Variants in ZNF487 observed in about 807,000 individuals in gnomAD.
The protein encoded by ZNF487 is KRAB domain only 1.
In ZNF487, 4 loss-of-function variants were observed where a neutral mutation model predicts 3.0. That is an observed-to-expected ratio of 1.35 (90% CI 0.66 to 3.08). ZNF487 has a LOEUF of 3.08. Among genes scored for constraint, ZNF487 ranks in the 30% most tolerant of loss-of-function variants. ZNF487 has a pLI of 0.01. For missense variants in ZNF487, 146 were observed against 98.7 expected (o/e 1.48, Z -2.03); for synonymous variants, 55 against 34.6 (o/e 1.59, Z -2.06).
intron 1 of ZNF487, among the ~76,000 whole-genome samples, chr10:43,444,199 A>G (rs1362719773): frequency 6.6e-6 from 1 of 152,154 alleles, no homozygotes; most frequent in Admixed American, 6.6e-5. Flanking sequence ...TCCTTTGGCT[A>G]GAAAGCGACA....
At chr10:43,461,228 A>G (rs1015191344) in intron 1 of ZNF487, among the ~76,000 whole-genome samples, 3 of 151,508 alleles carry the variant, frequency 2.0e-5, no homozygotes, top group Non-Finnish European at 4.4e-5. Flanking sequence ...GCTGGTCTCA[A>G]ACTTCTGACC....
the ZNF487 span, among the ~76,000 whole-genome samples, chr10:43,501,476 A>G: frequency 6.6e-6 from 1 of 152,192 alleles, no homozygotes; most frequent in Non-Finnish European, 1.5e-5. Context: ...TCAGTGGCTT[A>G]TGCCTGTAAT....
the ZNF487 span, among the ~76,000 whole-genome samples, chr10:43,505,004 C>A: frequency 2.0e-5 from 3 of 151,968 alleles, no homozygotes; most frequent in South Asian, 6.2e-4. Flanking sequence ...CTGCACCCAG[C>A]CTCCTTGTTG....
the ZNF487 span, among the ~76,000 whole-genome samples, chr10:43,494,831 G>A: frequency 6.8e-6 from 1 of 146,182 alleles, no homozygotes; most frequent in Non-Finnish European, 1.5e-5. Flanking sequence ...CATCTACTCA[G>A]GAGGCTGAGG....
chr10:43,483,368 G>A (rs1450353200), downstream of ZNF487, among the ~76,000 whole-genome samples: 4 of 152,244 alleles, frequency 2.6e-5, no homozygotes, highest in East Asian at 7.7e-4. Flanking sequence ...AGCTTCCCAA[G>A]TAGCTGGGAT....
the ZNF487 span, among the ~76,000 whole-genome samples, chr10:43,490,896 A>G: frequency 2.7e-5 from 4 of 146,680 alleles, no homozygotes; most frequent in South Asian, 6.5e-4. Flanking sequence ...CTGGTCTCGA[A>G]CTCCCAACCT....
the ZNF487 span, among the ~76,000 whole-genome samples, chr10:43,520,242 C>T: frequency 0.8 from 122,204 of 152,062 alleles, 49,409 homozygotes; most frequent in East Asian, 0.89. Flanking sequence ...ATCCCTCTTT[C>T]ACTCTTCCTT....
chr10:43,513,395 A>G, the ZNF487 span, among the ~76,000 whole-genome samples: 1 of 152,236 alleles, frequency 6.6e-6, no homozygotes, highest in African/African-American at 2.4e-5. Context: ...CTGGTACAGC[A>G]GCTGCAATTG....
chr10:43,437,175 C>T lies in ZNF487; in HGVS notation c.-181C>T. ...AAGCCTGTAAGTTCCTCAGCTACGACTACCAGGTACCTCGGGTTCCTCCCT... is the reference window on the plus strand; with the variant it reads ...AAGCCTGTAAGTTCCTCAGCTACGATTACCAGGTACCTCGGGTTCCTCCCT... On this transcript the variant is annotated 5_prime_UTR_variant, in exon 1 of 4. Transcript: ENST00000437590. 1 of 266,432 alleles carries T rather than the reference C, an allele frequency of 3.8e-6. No homozygotes were observed. Among genetic ancestry groups the T allele is most frequent in the South Asian group, 2.9e-5 (1 of 35,066 alleles). The allele number at this position is 266,432 out of a possible 1,614,324, so 16.5% of individuals were successfully genotyped here.
At chr10:43,438,236 A>T (rs1839455683) in intron 1 of ZNF487, among the ~76,000 whole-genome samples, 2 of 152,022 alleles carry the variant, frequency 1.3e-5, no homozygotes, top group Non-Finnish European at 2.9e-5. Context: ...CCCAGGCTGG[A>T]GTGCAGTGGC....
intron 1 of ZNF487, among the ~76,000 whole-genome samples, chr10:43,460,884 G>T (rs983636405): frequency 2.0e-5 from 3 of 151,964 alleles, no homozygotes; most frequent in Non-Finnish European, 2.9e-5. Context: ...GAGAGACAGG[G>T]TTTCACCATA....
intron 1 of ZNF487, among the ~76,000 whole-genome samples, chr10:43,443,061 C>CTTTTTTTT (rs34420531): frequency 8.3e-6 from 1 of 119,908 alleles, no homozygotes; most frequent in African/African-American, 3.2e-5. Context: ...CTCGTTCTAG[C>CTTTTTTTT]TTTTTTTTTT....
At chr10:43,471,376 C>T (rs571328998) in intron 1 of ZNF487, among the ~76,000 whole-genome samples, 2 of 152,264 alleles carry the variant, frequency 1.3e-5, no homozygotes, top group East Asian at 3.9e-4. Flanking sequence ...GGGAGTGTTA[C>T]GGTGCTCTGT....
intron 1 of ZNF487, among the ~76,000 whole-genome samples, chr10:43,450,783 TATAAA>T (rs1839978706): frequency 6.6e-6 from 1 of 152,132 alleles, no homozygotes; most frequent in Admixed American, 6.5e-5. Flanking sequence ...GGCTGTGAAG[TATAAA>T]ATAACAGTAG....
the ZNF487 span, among the ~76,000 whole-genome samples, chr10:43,498,112 T>TC: frequency 1.8e-4 from 2 of 10,854 alleles, no homozygotes; most frequent in Admixed American, 1.6e-3. Flanking sequence ...TTTTTTTTTT[T>TC]TCTTTTTTTT....
chr10:43,518,877 CT>C, the ZNF487 span, among the ~76,000 whole-genome samples: 3 of 152,190 alleles, frequency 2.0e-5, no homozygotes, highest in Admixed American at 2.0e-4. Flanking sequence ...TTGCTCTAGA[CT>C]CCTACAGTAT....
chr10:43,503,686 G>A, the ZNF487 span, among the ~76,000 whole-genome samples: 1 of 152,084 alleles, frequency 6.6e-6, no homozygotes, highest in East Asian at 1.9e-4. Flanking sequence ...GCTCACTGTA[G>A]CCTCAACTTC....
At chr10:43,503,524 G>T in the ZNF487 span, among the ~76,000 whole-genome samples, 1 of 152,144 alleles carries the variant, frequency 6.6e-6, no homozygotes, top group African/African-American at 2.4e-5. Flanking sequence ...AATCACCATT[G>T]ACTGACTCAC....
At position 43,468,559 on chromosome 10, in the gene ZNF487, A is replaced by G. The variant is rs183023372; in HGVS notation, c.-93-7162A>G. On this transcript the variant is annotated intron_variant, in intron 1 of 3. Transcript: ENST00000437590. ...CCGGCCATGGTGGCACATGCCTGTGATGCCAACTACTCGGGAGGTTGAGGC... is the reference window on the plus strand; with the variant it reads ...CCGGCCATGGTGGCACATGCCTGTGGTGCCAACTACTCGGGAGGTTGAGGC... Among the ~76,000 whole-genome samples the G allele has an allele frequency of 3.3e-5, 5 of 151,530 alleles. No homozygotes were observed. In the East Asian group the frequency reaches 9.8e-4, roughly 30 times the overall value.
Sources: allele counts gnomAD v4.1 joint callset (sites outside exome capture counted in the v4.1 genomes callset), GRCh38; gene constraint gnomAD v4.1.1; transcripts MANE v1.5; gene names NCBI Gene and HGNC (gene_info 2026-07-23, HGNC 2026-07-21).